RNF216: variants seen among roughly 807,000 people sequenced by gnomAD.
RNF216 encodes the protein ring finger protein 216, also known as E3 ubiquitin-protein ligase RNF216.
A neutral mutation model predicts 110.8 loss-of-function variants in RNF216; 72 were observed. The ratio of observed to expected loss-of-function variants is 0.65; its 90% confidence interval spans 0.54 to 0.79. The LOEUF is 0.79. RNF216 is among the 30% of genes least tolerant of loss of function. The pLI, the probability that RNF216 is intolerant of heterozygous loss-of-function variation, is 0.00. For synonymous variants in RNF216, 495 were observed against 407.5 expected (o/e 1.21, Z -2.59); for missense variants, 1,342 against 1,141.2 (o/e 1.18, Z -2.54).
At chr7:5,706,130 G>C (rs549542998) in intron 13 of RNF216, among the ~76,000 whole-genome samples, 17 of 149,022 alleles carry the variant, frequency 1.1e-4, no homozygotes, top group Middle Eastern at 3.5e-3. Context: ...TGAGGCAGGA[G>C]AATCGCTTGC....
intron 3 of RNF216, among the ~76,000 whole-genome samples, chr7:5,744,568 A>T (rs1437033894): frequency 6.6e-6 from 1 of 152,222 alleles, no homozygotes; most frequent in Non-Finnish European, 1.5e-5. Context: ...GTAGAACAAC[A>T]GTCTGTTTTG....
intron 13 of RNF216, among the ~76,000 whole-genome samples, chr7:5,700,766 C>T (rs1399741589): frequency 2.0e-5 from 3 of 152,160 alleles, no homozygotes; most frequent in African/African-American, 7.2e-5. Context: ...TGTCCTTCCA[C>T]AAGGACAGTC....
intron 15 of RNF216, among the ~76,000 whole-genome samples, chr7:5,626,686 G>A (rs76506063): frequency 2.0e-5 from 3 of 151,730 alleles, no homozygotes; most frequent in Non-Finnish European, 4.4e-5. Flanking sequence ...AAAAAAAAAG[G>A]AAGAAAGAAA....
rs780729500 is a variant in RNF216, at chr7:5,761,096, G to C, written c.-27C>G. Reference sequence around the variant, plus strand: ...TTCAAATGCAGACATGCATATATGGGACTGCTAATATCTAAACATGGTGAC... The same window carrying C: ...TTCAAATGCAGACATGCATATATGGCACTGCTAATATCTAAACATGGTGAC... On this transcript the variant is annotated 5_prime_UTR_variant, in exon 2 of 17. Coordinates refer to ENST00000389902, the MANE Select transcript of RNF216 (RefSeq NM_207111.4). 18 of 1,477,664 alleles carry C rather than the reference G, an allele frequency of 1.2e-5. No individual in the cohort carries two copies. In the South Asian group the frequency reaches 2.1e-4, roughly 17 times the overall value. 91.5% of individuals were successfully genotyped at this position (1,477,664 alleles called of 1,614,324 possible). A position where few individuals can be genotyped will look rare whatever the true frequency, so the allele number is the denominator to read the frequency against.
rs1562410713 is a variant in RNF216 at position 5,705,957 on chromosome 7, CAAA to C, written c.2061+5801_2061+5803del. Among the ~76,000 whole-genome samples, 8 of 150,958 alleles carry C rather than the reference CAAA, an allele frequency of 5.3e-5. No homozygotes were observed. The East Asian group carries it at 9.8e-4, about 18-fold the overall frequency. On this transcript the variant is annotated intron_variant, in intron 13 of 16. Coordinates refer to ENST00000389902, the MANE Select transcript of RNF216 (RefSeq NM_207111.4). ...CAAAACAAAACAAAACAAAACAAAA[CAAA>C]ACAAAACACCACTCTGGGAGGCCGA... is the stretch of plus-strand genomic sequence containing the variant.
intron 8 of RNF216, among the ~76,000 whole-genome samples, chr7:5,723,776 C>T (rs1793590528): frequency 6.6e-6 from 1 of 152,074 alleles, no homozygotes; most frequent in Non-Finnish European, 1.5e-5. Flanking sequence ...GCAATTATAG[C>T]CCAAAGAGCA....
At chr7:5,664,025 T>C (rs2128588452) in intron 13 of RNF216, among the ~76,000 whole-genome samples, 1 of 152,268 alleles carries the variant, frequency 6.6e-6, no homozygotes, top group Non-Finnish European at 1.5e-5. Flanking sequence ...GGGCTCGTAA[T>C]CAACCACCGT....
Position 5,778,107 on chromosome 7 carries a change from A to T in RNF216, c.-70+3434T>A, listed in dbSNP as rs560791711. 1.2e-4 allele frequency among the ~76,000 whole-genome samples: 19 copies of T among 152,294 alleles called. No individual in the cohort carries two copies. In the South Asian group the frequency reaches 3.7e-3, roughly 30 times the overall value. Reference sequence around the variant, plus strand: ...TTTGAGTTATTTCTTTTAAACCACAAATCTCACCATGGTGAAACCGAAATC... The same window carrying T: ...TTTGAGTTATTTCTTTTAAACCACATATCTCACCATGGTGAAACCGAAATC... On this transcript the variant is annotated intron_variant, in intron 1 of 16. Transcript: ENST00000389902.
Position 5,768,168 on chromosome 7 carries a change from T to C in RNF216, c.-69-7030A>G, listed in dbSNP as rs75926517. Among the ~76,000 whole-genome samples the C allele has an allele frequency of 1.1e-3, 159 of 151,138 alleles. No individual in the cohort carries two copies. The East Asian group carries it at 0.028, about 27-fold the overall frequency. ...GTCCAGACTTTGATTAAAAAAAAAA[T>C]TACCAGGTGCGGTAGCTCATGCCTG... On this transcript the variant is annotated intron_variant, in intron 1 of 16. Transcript: ENST00000389902.
intron 13 of RNF216, among the ~76,000 whole-genome samples, chr7:5,671,845 C>A: frequency 6.9e-6 from 1 of 144,998 alleles, no homozygotes; most frequent in African/African-American, 2.6e-5. Flanking sequence ...GAGAGAGACA[C>A]CAGAGGAGTG....
chr7:5,690,103 C>A lies in RNF216; in HGVS notation c.2061+21658G>T, dbSNP rs185487190. ...CAGCACTCTGGGAGGCTTAGGCGGG[C>A]GGATCACCTGAGGTCAGGAGTTTAA... On this transcript the variant is annotated intron_variant, in intron 13 of 16. Transcript: ENST00000389902. Among the ~76,000 whole-genome samples, 39 of 151,908 alleles carry A rather than the reference C, an allele frequency of 2.6e-4. No homozygotes were observed. In the East Asian group the frequency reaches 3.7e-3, roughly 14 times the overall value.
At chr7:5,688,818 GTTGCTCTTAATAATATGATACGAA>G (rs578152371) in intron 13 of RNF216, among the ~76,000 whole-genome samples, 82 of 152,284 alleles carry the variant, frequency 5.4e-4, no homozygotes, top group African/African-American at 1.8e-3. Context: ...TAGTGAAAGA[GTTGCTCTTAATAATATGATACGAA>G]TTCCCAAATG....
At chr7:5,677,190 G>A (rs941121202) in intron 13 of RNF216, among the ~76,000 whole-genome samples, 1 of 152,168 alleles carries the variant, frequency 6.6e-6, no homozygotes, top group Non-Finnish European at 1.5e-5. Flanking sequence ...GTTAATTTTA[G>A]AGCAAACACA....
chr7:5,694,548 G>A (rs1331568224), intron 13 of RNF216, among the ~76,000 whole-genome samples: 2 of 152,220 alleles, frequency 1.3e-5, no homozygotes, highest in East Asian at 3.8e-4. Context: ...AGATCAGACA[G>A]TCAGAATTAA....
Position 5,715,019 on chromosome 7 carries a change from C to G in RNF216, c.1833+34G>C, listed in dbSNP as rs368146902. The G allele has an allele frequency of 2.3e-5, 37 of 1,586,402 alleles. No homozygotes were observed. In the African/African-American group the frequency reaches 4.2e-4, roughly 18 times the overall value. ...GTCTCCTTAGACTCCAGGAATGTGTCCTATATACATGGGACATATTACACA... is the reference window on the plus strand; with the variant it reads ...GTCTCCTTAGACTCCAGGAATGTGTGCTATATACATGGGACATATTACACA... On this transcript the variant is annotated intron_variant, in intron 11 of 16. Coordinates refer to ENST00000389902, the MANE Select transcript of RNF216 (RefSeq NM_207111.4).
intron 15 of RNF216, among the ~76,000 whole-genome samples, chr7:5,627,744 T>TAA (rs1230237652): frequency 7.6e-6 from 1 of 131,376 alleles, no homozygotes. Context: ...AGACTCTGTC[T>TAA]AAAAAAAAAA....
chr7:5,745,705 GC>G (rs1297386108), intron 3 of RNF216, among the ~76,000 whole-genome samples: 2 of 152,008 alleles, frequency 1.3e-5, no homozygotes, highest in Non-Finnish European at 2.9e-5. Context: ...TTAGAGACCA[GC>G]CTGACCAACA....
At chr7:5,663,740 A>G (rs1261548812) in intron 13 of RNF216, among the ~76,000 whole-genome samples, 1 of 150,864 alleles carries the variant, frequency 6.6e-6, no homozygotes, top group Non-Finnish European at 1.5e-5. Context: ...TCTACTAAAA[A>G]TACAAAAATT....
intron 15 of RNF216, among the ~76,000 whole-genome samples, chr7:5,634,009 C>G (rs1787243540): frequency 6.6e-6 from 1 of 152,220 alleles, no homozygotes; most frequent in Non-Finnish European, 1.5e-5. Flanking sequence ...GGAAAAGATT[C>G]AATTTATTTT....
Sources: allele counts gnomAD v4.1 joint callset (sites outside exome capture counted in the v4.1 genomes callset), GRCh38; gene constraint gnomAD v4.1.1; transcripts MANE v1.5; gene names NCBI Gene and HGNC (gene_info 2026-07-23, HGNC 2026-07-21).